The following CACNA1C variants were observed in gnomAD, a reference collection of about 807,000 sequenced individuals.
CACNA1C encodes the protein voltage-dependent L-type calcium channel subunit alpha-1C.
In CACNA1C, 30 loss-of-function variants were observed where a neutral mutation model predicts 229.0. The observed-to-expected ratio is 0.13, with a 90% confidence interval of 0.10 to 0.18. The LOEUF is 0.18. Among genes scored for constraint, CACNA1C ranks in the 10% least tolerant of loss-of-function variants. CACNA1C has a pLI of 1.00. For missense variants in CACNA1C, 1,658 were observed against 2,845.0 expected, an observed-to-expected ratio of 0.58 and a Z score of 9.49; for synonymous variants, 1,114 against 1,132.5, an observed-to-expected ratio of 0.98 and a Z score of 0.33.
rs534935903 is a variant in CACNA1C at position 2,144,503 on chromosome 12, G to A, written c.477+24073G>A. On this transcript the variant is annotated intron_variant, in intron 3 of 46. Transcript: ENST00000399655. Reference sequence around the variant, plus strand: ...CACAGCAGTGCTTAAAACACACACAGTTCCTGCCTTCATAGGGCATCCTTC... The same window carrying A: ...CACAGCAGTGCTTAAAACACACACAATTCCTGCCTTCATAGGGCATCCTTC... 2.6e-5 allele frequency among the ~76,000 whole-genome samples: 4 copies of A among 151,380 alleles called. No homozygotes were observed. The Admixed American group carries it at 2.6e-4, about 10-fold the overall frequency.
chr12:2,064,308 T>C (rs2058567622), intron 1 of CACNA1C, among the ~76,000 whole-genome samples: 1 of 152,234 alleles, frequency 6.6e-6, no homozygotes, highest in Non-Finnish European at 1.5e-5. Flanking sequence ...TCTGCCTGTG[T>C]GTCTAGTCCA....
Position 2,665,474 on chromosome 12 carries a change from A to T in CACNA1C, c.4399-107A>T. 2 of 1,214,082 alleles carry T rather than the reference A, an allele frequency of 1.6e-6. No individual in the cohort carries two copies. The highest frequency in any genetic ancestry group is 2.4e-6 in the Non-Finnish European group (2 of 836,402). The allele number at this position is 1,214,082 out of a possible 1,614,324, so 75.2% of individuals were successfully genotyped here. On this transcript the variant is annotated intron_variant, in intron 35 of 46. Transcript: ENST00000399655. This position sits in a 1 kb window ranked among gnomAD's most constrained non-coding sequence, Gnocchi z 5.9. The stretch of plus-strand genomic sequence containing the variant: ...CTGGTAGGATGGATGACTGGTCTTT[A>T]GAAATGTTGGCTTCTGCCATCAGTA...
At position 2,449,073 on chromosome 12, in the gene CACNA1C, G is replaced by A. The variant is rs969789637; in HGVS notation, c.575G>A (p.Arg192His). 3.8e-6 allele frequency: 6 copies of A among 1,581,060 alleles called. No individual in the cohort carries two copies. The highest frequency in any genetic ancestry group is 1.2e-5 in the South Asian group (1 of 86,632). ...CTCTTTCACCCCAATGCCTACCTCCGCAACGGCTGGAACCTACTAGATTTT... is the reference window on the plus strand; with the variant it reads ...CTCTTTCACCCCAATGCCTACCTCCACAACGGCTGGAACCTACTAGATTTT... ...GLLFHPNAYL[R>H]NGWNLLDFII... The change falls in exon 4 of 47, where the codon CGC becomes CAC. Residue 192 changes from arginine to histidine, a missense_variant. Physicochemically the swap from Arg to His is conservative, Grantham distance 29. Coordinates refer to ENST00000399655, the MANE Select transcript of CACNA1C (RefSeq NM_000719.7).
intron 9 of CACNA1C, among the ~76,000 whole-genome samples, chr12:2,515,527 GT>G (rs2099794844): frequency 6.6e-6 from 1 of 152,210 alleles, no homozygotes; most frequent in Non-Finnish European, 1.5e-5. Context: ...AGTATGGTAT[GT>G]TTGCCAATTC....
At chr12:2,204,937 T>TAA (rs565701621) in intron 3 of CACNA1C, among the ~76,000 whole-genome samples, 1 of 128,046 alleles carries the variant, frequency 7.8e-6, no homozygotes, top group Non-Finnish European at 1.8e-5. Flanking sequence ...AAAACTTTAA[T>TAA]AAAAAAAAAT....
At chr12:2,349,937 A>G (rs991623721) in intron 3 of CACNA1C, among the ~76,000 whole-genome samples, 4 of 152,158 alleles carry the variant, frequency 2.6e-5, no homozygotes, top group African/African-American at 7.2e-5. Flanking sequence ...ATGGATCAGT[A>G]TGTGTAGATG....
At chr12:2,158,995 T>C (rs942328099) in intron 3 of CACNA1C, among the ~76,000 whole-genome samples, 3 of 152,064 alleles carry the variant, frequency 2.0e-5, no homozygotes, top group African/African-American at 4.8e-5. Context: ...GCTAAACCCT[T>C]ACCTTCTATG....
rs532859761 is a variant in CACNA1C, at chr12:2,067,755, G to A, written c.49+14144G>A. On this transcript the variant is annotated intron_variant, in intron 1 of 46. Transcript: ENST00000399655. The surrounding 1 kb of genome is among the most constrained non-coding windows in gnomAD (Gnocchi z 5.3). ...CTGTTAACCTCAGTCAGGGCGCAAC[G>A]GTAGAAAGGAGGAGTGATGGGGCAA... is the stretch of plus-strand genomic sequence containing the variant. Among the ~76,000 whole-genome samples the A allele has an allele frequency of 1.1e-4, 16 of 152,164 alleles. No individual in the cohort carries two copies. Among genetic ancestry groups the A allele is most frequent in the South Asian group, 2.1e-4 (1 of 4,820 alleles).
intron 3 of CACNA1C, among the ~76,000 whole-genome samples, chr12:2,431,167 T>C (rs2099080242): frequency 6.6e-6 from 1 of 152,144 alleles, no homozygotes; most frequent in Admixed American, 6.5e-5. Flanking sequence ...TTGTTAGAAG[T>C]CAAGATCCCC....
intron 5 of CACNA1C, among the ~76,000 whole-genome samples, chr12:2,468,064 C>T (rs1043246018): frequency 2.0e-5 from 3 of 152,216 alleles, no homozygotes; most frequent in African/African-American, 4.8e-5. Context: ...GCCCGCCATG[C>T]GGCAAAGTGA....
intron 3 of CACNA1C, among the ~76,000 whole-genome samples, chr12:2,232,377 A>G (rs1474224699): frequency 6.6e-6 from 1 of 151,698 alleles, no homozygotes; most frequent in Non-Finnish European, 1.5e-5. Flanking sequence ...GAGGGTATGC[A>G]TTTGTTGCAT....
At chr12:2,235,557 TC>T (rs2067019508) in intron 3 of CACNA1C, among the ~76,000 whole-genome samples, 1 of 152,192 alleles carries the variant, frequency 6.6e-6, no homozygotes, top group Non-Finnish European at 1.5e-5. Flanking sequence ...TCACTAGGGG[TC>T]CATCTCTCCC....
intron 1 of CACNA1C, among the ~76,000 whole-genome samples, chr12:2,113,921 G>GT (rs1270431581): frequency 6.6e-6 from 1 of 152,222 alleles, no homozygotes; most frequent in East Asian, 1.9e-4. Context: ...CCCTGCGCAG[G>GT]TTGGAGCCCT....
At chr12:2,284,130 C>G (rs977539090) in intron 3 of CACNA1C, among the ~76,000 whole-genome samples, 1 of 152,190 alleles carries the variant, frequency 6.6e-6, no homozygotes, top group African/African-American at 2.4e-5. Flanking sequence ...GTCCCTGGCC[C>G]TCAGGAAGTG....
At chr12:2,619,216 C>A (rs2082116389) in intron 29 of CACNA1C, among the ~76,000 whole-genome samples, 1 of 152,152 alleles carries the variant, frequency 6.6e-6, no homozygotes, top group South Asian at 2.1e-4. Flanking sequence ...ATGTCTGTTT[C>A]TCTGTAAAGT....
intron 3 of CACNA1C, among the ~76,000 whole-genome samples, chr12:2,357,664 T>TTAAAA (rs1555478829): frequency 7.7e-6 from 1 of 129,946 alleles, no homozygotes; most frequent in Non-Finnish European, 1.6e-5. Flanking sequence ...TTTTTTTCCT[T>TTAAAA]AAAAAAAAAA....
intron 3 of CACNA1C, among the ~76,000 whole-genome samples, chr12:2,258,704 T>C (rs1314237397): frequency 1.3e-5 from 2 of 152,178 alleles, no homozygotes; most frequent in African/African-American, 4.8e-5. Flanking sequence ...TTTAATCTCT[T>C]CCCTCTCGAT....
At position 2,587,488 on chromosome 12, in the gene CACNA1C, G is replaced by A. The variant is rs138100530; in HGVS notation, c.2530+1584G>A. On this transcript the variant is annotated intron_variant, in intron 18 of 46. Coordinates refer to ENST00000399655, the MANE Select transcript of CACNA1C (RefSeq NM_000719.7). The stretch of plus-strand genomic sequence containing the variant: ...CAGGCACCCAGCTGCAGCCAGGCCT[G>A]TACGGCAGATACACCTCTTGCATCT... Among the ~76,000 whole-genome samples the A allele has an allele frequency of 3.5e-4, 53 of 152,276 alleles. 2 individuals are homozygous for A. Among genetic ancestry groups the A allele is most frequent in the African/African-American group, 1.3e-3 (52 of 41,542 alleles).
At chr12:2,588,362 T>G (rs57455298) in intron 18 of CACNA1C, among the ~76,000 whole-genome samples, 5,541 of 152,256 alleles carry the variant, frequency 0.036, 348 homozygotes, top group African/African-American at 0.13. Context: ...GCCAGACCAC[T>G]AGGGAGAAAG....
Sources: gnomAD v4.1 joint callset for allele counts (sites outside exome capture counted in the v4.1 genomes callset) on GRCh38, gnomAD v4.1.1 for gene constraint, Gnocchi (gnomAD v3.1) non-coding constraint, MANE v1.5 for transcripts, NCBI Gene and HGNC (gene_info 2026-07-23, HGNC 2026-07-21) for gene names.